Variants in CLSTN2 observed in about 807,000 individuals in gnomAD.
The protein encoded by CLSTN2 is calsyntenin 2, also known as calsyntenin-2.
Under a neutral mutation model 101.2 loss-of-function variants are expected in CLSTN2, and 48 were observed. The ratio of observed to expected loss-of-function variants is 0.47; its 90% CI spans 0.38 to 0.60. The LOEUF (loss-of-function observed/expected upper bound fraction) is 0.60. Ranked by LOEUF, CLSTN2 falls within the 20% of genes least tolerant of loss-of-function variation. CLSTN2 has a pLI of 0.00. For synonymous variants in CLSTN2, 481 were observed against 463.6 expected, an observed-to-expected ratio of 1.04 and a Z score of -0.48; for missense variants, 1,160 against 1,238.2, an observed-to-expected ratio of 0.94 and a Z score of 0.95.
In CLSTN2 at chr3:140,562,297, A is replaced by T. The variant is rs999351319; in HGVS notation, c.2201A>T (p.Tyr734Phe). ...HLDATNSTAGYSIYGVGSMSR... is the reference protein window; with the variant it reads ...HLDATNSTAGFSIYGVGSMSR... Reference sequence around the variant, plus strand: ...GATGCCACTAATTCTACTGCAGGCTACTCCATCTACGGTAAGGCCACACTC... The same window carrying T: ...GATGCCACTAATTCTACTGCAGGCTTCTCCATCTACGGTAAGGCCACACTC... Residue 734 changes from tyrosine (Y) to phenylalanine (F), a missense_variant, in exon 13 of 17, where the codon TAC (tyrosine) becomes TTC (phenylalanine). Physicochemically the swap from Tyr to Phe is conservative, Grantham distance 22. Transcript: ENST00000458420. The T allele has an allele frequency of 3.7e-6, 6 of 1,612,430 alleles. No homozygotes were observed. The Admixed American group carries it at 6.7e-5, about 18-fold the overall frequency.
At chr3:140,043,656 A>C (rs1282738202) in intron 1 of CLSTN2, among the ~76,000 whole-genome samples, 3 of 152,154 alleles carry the variant, frequency 2.0e-5, no homozygotes, top group African/African-American at 7.2e-5. Context: ...TTATGGTTTT[A>C]GGTCTAACAT....
At chr3:140,003,550 G>C (rs1344924554) in intron 1 of CLSTN2, among the ~76,000 whole-genome samples, 1 of 152,080 alleles carries the variant, frequency 6.6e-6, no homozygotes, top group Non-Finnish European at 1.5e-5. Context: ...GCTCCAGCTA[G>C]GACTTCCAGT....
intron 2 of CLSTN2, among the ~76,000 whole-genome samples, chr3:140,355,940 A>G (rs1542567): frequency 0.5 from 76,027 of 152,156 alleles, 19,942 homozygotes; most frequent in Non-Finnish European, 0.59. Flanking sequence ...TAAAAAATGA[A>G]TGAAAAGTTG....
intron 1 of CLSTN2, among the ~76,000 whole-genome samples, chr3:140,105,092 G>A (rs553270980): frequency 1.4e-4 from 21 of 152,340 alleles, no homozygotes; most frequent in African/African-American, 4.8e-4. Context: ...CTAGCTTTTG[G>A]TTAAGCAGTG....
At chr3:140,415,704 C>A (rs150996120) in intron 4 of CLSTN2, among the ~76,000 whole-genome samples, 3 of 152,150 alleles carry the variant, frequency 2.0e-5, no homozygotes, top group Admixed American at 1.3e-4. Context: ...TGAGGAGAAG[C>A]ATTGGTGAAG....
At chr3:140,300,761 C>A (rs564980060) in intron 2 of CLSTN2, among the ~76,000 whole-genome samples, 48 of 152,174 alleles carry the variant, frequency 3.2e-4, no homozygotes, top group African/African-American at 1.1e-3. Context: ...TGTAGTAGAT[C>A]TGGATTAGTC....
intron 1 of CLSTN2, among the ~76,000 whole-genome samples, chr3:140,113,332 A>G (rs915806757): frequency 6.6e-6 from 1 of 152,226 alleles, no homozygotes; most frequent in African/African-American, 2.4e-5. Flanking sequence ...GGGGCTGGCT[A>G]CAGTGCCTGC....
intron 1 of CLSTN2, among the ~76,000 whole-genome samples, chr3:140,045,967 T>C (rs552269197): frequency 1.3e-5 from 2 of 152,336 alleles, no homozygotes; most frequent in African/African-American, 4.8e-5. Flanking sequence ...ATAAGTGCGA[T>C]GTGGTGCTGA....
At chr3:140,370,224 C>T (rs1167666278) in intron 2 of CLSTN2, among the ~76,000 whole-genome samples, 1 of 152,212 alleles carries the variant, frequency 6.6e-6, no homozygotes, top group East Asian at 1.9e-4. Context: ...CTGCTATCAG[C>T]ATATGTCAAA....
At chr3:139,938,616 G>A (rs1337197747) in intron 1 of CLSTN2, among the ~76,000 whole-genome samples, 2 of 152,212 alleles carry the variant, frequency 1.3e-5, no homozygotes, top group Non-Finnish European at 2.9e-5. Flanking sequence ...AGTAAAGCTG[G>A]TAAGGTGTTG....
chr3:140,560,572 A>C (rs1935890647), intron 12 of CLSTN2, among the ~76,000 whole-genome samples: 1 of 23,038 alleles, frequency 4.3e-5, no homozygotes, highest in Admixed American at 6.1e-4. Flanking sequence ...CCTGTTTATT[A>C]AACCAGACCA....
chr3:140,049,419 T>A (rs2007945968), intron 1 of CLSTN2, among the ~76,000 whole-genome samples: 1 of 152,186 alleles, frequency 6.6e-6, no homozygotes, highest in African/African-American at 2.4e-5. Flanking sequence ...GAAATATTAT[T>A]TCCGGAATGA....
chr3:140,316,838 A>T (rs1163908960), intron 2 of CLSTN2, among the ~76,000 whole-genome samples: 1 of 152,148 alleles, frequency 6.6e-6, no homozygotes, highest in Non-Finnish European at 1.5e-5. Context: ...GGCATTGCTA[A>T]ATTGTTATAC....
At chr3:140,499,723 T>C (rs1490291681) in intron 8 of CLSTN2, among the ~76,000 whole-genome samples, 3 of 152,164 alleles carry the variant, frequency 2.0e-5, no homozygotes, top group Non-Finnish European at 4.4e-5. Flanking sequence ...CCTGAAGTTC[T>C]GCCTCTTGTT....
At chr3:140,311,366 C>CCTGAT (rs2087167033) in intron 2 of CLSTN2, among the ~76,000 whole-genome samples, 2 of 123,452 alleles carry the variant, frequency 1.6e-5, no homozygotes, top group South Asian at 5.5e-4. Context: ...AGTGCAGTGG[C>CCTGAT]CTGATCTTGG....
intron 2 of CLSTN2, among the ~76,000 whole-genome samples, chr3:140,368,645 CT>C (rs1303875923): frequency 2.0e-5 from 3 of 152,130 alleles, no homozygotes; most frequent in African/African-American, 7.2e-5. Context: ...CCTCCTAGGA[CT>C]CTGACTAGCA....
At chr3:140,040,660 A>G (rs2007744058) in intron 1 of CLSTN2, among the ~76,000 whole-genome samples, 1 of 152,098 alleles carries the variant, frequency 6.6e-6, no homozygotes, top group Non-Finnish European at 1.5e-5. Context: ...TGGTGAAAGG[A>G]AAGTCAAGTC....
intron 2 of CLSTN2, among the ~76,000 whole-genome samples, chr3:140,259,956 C>G (rs1011330508): frequency 5.3e-5 from 8 of 151,666 alleles, no homozygotes; most frequent in Non-Finnish European, 1.0e-4. Flanking sequence ...CAGTAGACAC[C>G]AGGAGCCTAC....
intron 2 of CLSTN2, among the ~76,000 whole-genome samples, chr3:140,218,431 G>C (rs992929033): frequency 6.6e-6 from 1 of 152,094 alleles, no homozygotes; most frequent in Non-Finnish European, 1.5e-5. Context: ...GAGCTGAAAA[G>C]ATCCATCCCA....
Sources: allele counts gnomAD v4.1 joint callset (sites outside exome capture counted in the v4.1 genomes callset), GRCh38; gene constraint gnomAD v4.1.1; transcripts MANE v1.5; gene names NCBI Gene and HGNC (gene_info 2026-07-23, HGNC 2026-07-21).